Variants in TIAM2 observed in about 807,000 individuals in gnomAD.
The protein encoded by TIAM2 is rho guanine nucleotide exchange factor TIAM2.
TIAM2 carries 80 observed loss-of-function variants against 152.9 expected under a neutral mutation model. The observed-to-expected ratio is 0.52, with a 90% confidence interval of 0.44 to 0.63. TIAM2 has a LOEUF of 0.63. TIAM2 is among the 30% of genes least tolerant of loss of function. The pLI, the probability that TIAM2 is intolerant of heterozygous loss-of-function variation, is 0.00. For missense variants in TIAM2, 1,965 were observed against 2,120.1 expected (o/e 0.93, Z 1.44); for synonymous variants, 804 against 838.0 (o/e 0.96, Z 0.70).
chr6:155,145,035 CA>C (rs1356184285), intron 6 of TIAM2, among the ~76,000 whole-genome samples: 2 of 151,958 alleles, frequency 1.3e-5, no homozygotes, highest in Non-Finnish European at 2.9e-5. Flanking sequence ...CATTGGGACA[CA>C]AAGAGAAAAA....
intron 15 of TIAM2, among the ~76,000 whole-genome samples, chr6:155,212,647 G>A (rs1781749475): frequency 6.6e-6 from 1 of 152,112 alleles, no homozygotes; most frequent in South Asian, 2.1e-4. Flanking sequence ...AACCTCTGTG[G>A]CCAAGGGTGC....
Position 155,129,095 on chromosome 6 carries a change from C to T in TIAM2, c.-6-123C>T. On this transcript the variant is annotated intron_variant, in intron 3 of 26. Transcript: ENST00000682666. This position sits in a 1 kb window ranked among gnomAD's most constrained non-coding sequence, Gnocchi z 4.8. Reference sequence around the variant, plus strand: ...TACTGACTGACTCTTGTCCCTACTCCTCTGAGTCCTTCCAGGCACTGAAGT... The same window carrying T: ...TACTGACTGACTCTTGTCCCTACTCTTCTGAGTCCTTCCAGGCACTGAAGT... 2.3e-6 allele frequency: 2 copies of T among 872,154 alleles called. No individual in the cohort carries two copies. The highest frequency in any genetic ancestry group is 3.5e-6 in the Non-Finnish European group (2 of 576,186). The allele number at this position is 872,154 out of a possible 1,614,324, so 54.0% of individuals were successfully genotyped here.
intron 1 of TIAM2, among the ~76,000 whole-genome samples, chr6:155,047,724 AGC>A (rs1562300267): frequency 0.026 from 1,503 of 57,526 alleles, 78 homozygotes; most frequent in African/African-American, 0.054. Flanking sequence ...AGAGAGAGAG[AGC>A]GAGAGAGAGA....
chr6:155,240,736 T>C (rs766867041), intron 16 of TIAM2, 27 bp downstream of exon 16: 1 of 1,590,414 alleles, frequency 6.3e-7, no homozygotes, highest in Non-Finnish European at 8.6e-7. Context: ...CATTTATGCA[T>C]TCGTGCCTCT....
At chr6:155,148,422 C>G in intron 7 of TIAM2, 88 bp downstream of exon 7, 2 of 1,311,154 alleles carry the variant, frequency 1.5e-6, no homozygotes, top group South Asian at 2.6e-5. Flanking sequence ...GGTGGTATTT[C>G]TTGGCTCACA....
chr6:155,067,868 CT>C (rs1238662367), intron 1 of TIAM2, among the ~76,000 whole-genome samples: 1 of 152,102 alleles, frequency 6.6e-6, no homozygotes, highest in East Asian at 1.9e-4. Flanking sequence ...TCTCGAACTC[CT>C]GGGGTCAAGT....
At chr6:155,183,611 T>G in intron 14 of TIAM2, 111 bp downstream of exon 14, 2 of 1,333,604 alleles carry the variant, frequency 1.5e-6, no homozygotes, top group Non-Finnish European at 2.0e-6. Context: ...AAGAATGTTT[T>G]CTAATTTATT....
chr6:155,042,200 ACCCGCC>A (rs1165592779), intron 1 of TIAM2, among the ~76,000 whole-genome samples: 1 of 151,548 alleles, frequency 6.6e-6, no homozygotes, highest in African/African-American at 2.4e-5. Context: ...ACCACCGCAG[ACCCGCC>A]CCCGCCCCCA....
At chr6:155,075,542 G>C (rs911694418) in intron 1 of TIAM2, among the ~76,000 whole-genome samples, 2 of 152,190 alleles carry the variant, frequency 1.3e-5, no homozygotes, top group African/African-American at 4.8e-5. Context: ...TAATAACACA[G>C]AAGGAGAGAA....
chr6:155,099,111 C>T (rs577686033), intron 2 of TIAM2, among the ~76,000 whole-genome samples: 26 of 128,100 alleles, frequency 2.0e-4, no homozygotes, highest in African/African-American at 4.1e-4. Context: ...TGCTTGAACC[C>T]GGGAGTCAGA....
chr6:155,007,883 G>A (rs1345402827), intron 1 of TIAM2, among the ~76,000 whole-genome samples: 4 of 152,202 alleles, frequency 2.6e-5, no homozygotes, highest in Non-Finnish European at 4.4e-5. Context: ...AGAAGAGAAT[G>A]TCACTGCAGC....
At chr6:155,133,017 G>T (rs972651791) in intron 4 of TIAM2, among the ~76,000 whole-genome samples, 2 of 152,144 alleles carry the variant, frequency 1.3e-5, no homozygotes, top group Non-Finnish European at 2.9e-5. Context: ...ATTCTGCATT[G>T]TCCAAAAACT....
chr6:155,048,801 G>GT (rs200879168), intron 1 of TIAM2, among the ~76,000 whole-genome samples: 4,270 of 144,216 alleles, frequency 0.03, 141 homozygotes, highest in Admixed American at 0.11. Flanking sequence ...TCCACTCTTT[G>GT]TTTTTTTTTT....
At chr6:155,131,274 C>T (rs187948005) in intron 4 of TIAM2, among the ~76,000 whole-genome samples, 22 of 151,654 alleles carry the variant, frequency 1.5e-4, no homozygotes, top group Admixed American at 1.3e-3. Context: ...GCAGGAGAAT[C>T]GCTTGAACCT....
chr6:155,204,584 A>AT (rs1781552416), intron 14 of TIAM2, among the ~76,000 whole-genome samples: 1 of 152,192 alleles, frequency 6.6e-6, no homozygotes, highest in Non-Finnish European at 1.5e-5. Flanking sequence ...ATTAAGAATG[A>AT]TTTTTATTTC....
At chr6:155,105,212 TGCAGTG>T (rs1778653876) in intron 2 of TIAM2, among the ~76,000 whole-genome samples, 1 of 152,214 alleles carries the variant, frequency 6.6e-6, no homozygotes, top group South Asian at 2.1e-4. Context: ...CAGGCTGTAG[TGCAGTG>T]GCACAGTCTT....
chr6:155,077,625 C>T (rs904129131), intron 1 of TIAM2, among the ~76,000 whole-genome samples: 19 of 152,120 alleles, frequency 1.2e-4, no homozygotes, highest in Admixed American at 7.2e-4. Flanking sequence ...TTCATGGCAA[C>T]GATTAGAGAA....
At chr6:155,021,298 G>C (rs1776480283) in intron 1 of TIAM2, among the ~76,000 whole-genome samples, 1 of 152,072 alleles carries the variant, frequency 6.6e-6, no homozygotes, top group African/African-American at 2.4e-5. Context: ...TTTCGCTCTT[G>C]TCCCCCAGGC....
At chr6:155,051,216 T>A (rs924933008) in intron 1 of TIAM2, among the ~76,000 whole-genome samples, 1 of 152,010 alleles carries the variant, frequency 6.6e-6, no homozygotes, top group African/African-American at 2.4e-5. Flanking sequence ...CAGTGGAGAA[T>A]AAGAAGAATG....
Sources: allele counts gnomAD v4.1 joint callset (sites outside exome capture counted in the v4.1 genomes callset), GRCh38; gene constraint gnomAD v4.1.1; non-coding constraint Gnocchi (gnomAD v3.1); transcripts MANE v1.5; gene names NCBI Gene and HGNC (gene_info 2026-07-23, HGNC 2026-07-21).